The following LAMP2 variants were observed in gnomAD, a reference collection of about 807,000 sequenced individuals.
LAMP2 encodes the protein lysosome-associated membrane glycoprotein 2.
LAMP2 carries 4 observed loss-of-function variants against 25.6 expected under a neutral mutation model. The ratio of observed to expected loss-of-function variants is 0.16; its 90% CI spans 0.08 to 0.36. The LOEUF is 0.36. LAMP2 is among the 10% of genes least tolerant of loss of function. LAMP2 has a pLI of 1.00. For missense variants in LAMP2, 272 were observed against 301.4 expected (o/e 0.90, Z 0.72); for synonymous variants, 108 against 112.7 (o/e 0.96, Z 0.27).
intron 8 of LAMP2, among the ~76,000 whole-genome samples, chrX:120,436,124 G>T (rs1156998898): frequency 1.2e-5 from 1 of 85,898 alleles, no homozygotes; most frequent in Non-Finnish European, 2.2e-5. Flanking sequence ...TTCAGCAGGG[G>T]AGCTTACACA....
At chrX:120,434,821 T>C (rs1236895123) in intron 8 of LAMP2, among the ~76,000 whole-genome samples, 1 of 111,777 alleles carries the variant, frequency 8.9e-6, no homozygotes, top group East Asian at 2.8e-4. Context: ...CAAAAACTAA[T>C]AAAACTTCTC....
Position 120,430,140 on chromosome X carries a change from AT to A in LAMP2, c.*1182del. On this transcript the variant is annotated 3_prime_UTR_variant, in exon 9 of 9. Coordinates refer to ENST00000200639, the MANE Select transcript of LAMP2 (RefSeq NM_002294.3). ...CTGATCATGCCCCTATATACATACA[AT>A]GGGTTAATAATACTTCAATGTGGAA... The A allele has an allele frequency of 4.0e-6, 3 of 751,023 alleles. No homozygotes were observed. The highest frequency in any genetic ancestry group is 4.7e-6 in the Non-Finnish European group (3 of 636,097). 61.9% of individuals were successfully genotyped at this position (751,023 alleles called of 1,213,427 possible). A position where few individuals can be genotyped will look rare whatever the true frequency, so the allele number is the denominator to read the frequency against.
chrX:120,442,472 A>G (rs1238136078), intron 7 of LAMP2, 127 bp downstream of exon 7: 3 of 600,390 alleles, frequency 5.0e-6, no homozygotes, highest in Non-Finnish European at 8.7e-6. Flanking sequence ...GGTATGATCA[A>G]GGTACACTTT....
chrX:120,469,130 G>A lies in LAMP2; in HGVS notation c.40C>T (p.Leu14Phe). 3 of 1,212,161 alleles carry A rather than the reference G, an allele frequency of 2.5e-6. No individual in the cohort carries two copies. Among genetic ancestry groups the A allele is most frequent in the Non-Finnish European group, 3.4e-6 (3 of 895,515 alleles). Reference protein sequence around the residue: ...FRLFPVPGSGLVLVCLVLGAV... With the variant: ...FRLFPVPGSGFVLVCLVLGAV... ...CCCAGGACTAGGCAGACCAGAACGA[G>A]CCCTGAGCCCGGAACCGGGAAGAGG... Residue 14 changes from leucine (L) to phenylalanine (F), a missense_variant, in exon 1 of 9, where the codon CTC (leucine) becomes TTC (phenylalanine). Leu to Phe is a conservative substitution (Grantham distance 22). Transcript: ENST00000200639.
chrX:120,438,388 T>A, intron 8 of LAMP2: 1 of 747,287 alleles, frequency 1.3e-6, no homozygotes, highest in Non-Finnish European at 1.6e-6. Context: ...CTAAAGCACC[T>A]AAAAAATGGA....
chrX:120,441,878 A>G lies in LAMP2; in HGVS notation c.945T>C (p.Asn315=). Reference sequence around the variant, plus strand: ...GGGCATCCCAGTAGCTGAGATTGTTATTTGCAATGCTGAAAACTTCAAAGA... The same window carrying G: ...GGGCATCCCAGTAGCTGAGATTGTTGTTTGCAATGCTGAAAACTTCAAAGA... ...LVNGSVFSIA[N]NNLSYWDAPL... The change falls in exon 8 of 9, where the codon AAT becomes AAC. Residue 315 remains asparagine, a synonymous_variant. Transcript: ENST00000200639. 8.3e-7 allele frequency: 1 copy of G among 1,209,767 alleles called. No individual in the cohort carries two copies. Among genetic ancestry groups the G allele is most frequent in the Non-Finnish European group, 1.1e-6 (1 of 893,781 alleles).
At chrX:120,442,478 AC>A (rs968558800) in intron 7 of LAMP2, 120 bp downstream of exon 7, 1 of 621,908 alleles carries the variant, frequency 1.6e-6, no homozygotes, top group Non-Finnish European at 2.8e-6. Context: ...ATCAAGGTAC[AC>A]TTTTTACATA....
Position 120,468,392 on chromosome X carries a change from T to G in LAMP2, c.64+714A>C, listed in dbSNP as rs1229517004. ...CCCATCAAAGTTCCCCCTGAACCCC[T>G]TAGTCTCCAGAGGTTGGGTCCAAGT... On this transcript the variant is annotated intron_variant, in intron 1 of 8. Transcript: ENST00000200639. Among the ~76,000 whole-genome samples the G allele has an allele frequency of 5.4e-5, 6 of 110,571 alleles. No homozygotes were observed. The East Asian group carries it at 1.7e-3, about 31-fold the overall frequency.
intron 3 of LAMP2, among the ~76,000 whole-genome samples, chrX:120,451,145 C>G (rs2058619572): frequency 9.0e-6 from 1 of 110,912 alleles, no homozygotes; most frequent in East Asian, 2.8e-4. Flanking sequence ...TCTCGAACTT[C>G]TGACCTCAGG....
At chrX:120,465,564 C>A (rs1921502134) in intron 1 of LAMP2, among the ~76,000 whole-genome samples, 2 of 112,058 alleles carry the variant, frequency 1.8e-5, no homozygotes, top group Admixed American at 9.5e-5. Context: ...ATGAAAAAGA[C>A]CAATATATAG....
chrX:120,433,013 C>T (rs2058529184), intron 8 of LAMP2, among the ~76,000 whole-genome samples: 1 of 110,620 alleles, frequency 9.0e-6, no homozygotes, highest in Non-Finnish European at 1.9e-5. Context: ...GAACATTTCT[C>T]AGTAAGGGGA....
At chrX:120,458,422 T>C (rs1186862742) in intron 1 of LAMP2, among the ~76,000 whole-genome samples, 1 of 112,011 alleles carries the variant, frequency 8.9e-6, no homozygotes, top group Non-Finnish European at 1.9e-5. Flanking sequence ...TGACGTTTTA[T>C]GAAACAAAAG....
intron 8 of LAMP2, 117 bp downstream of exon 8, chrX:120,441,613 G>T (rs1027091647): frequency 5.0e-5 from 30 of 604,828 alleles, no homozygotes; most frequent in Middle Eastern, 9.2e-4. Flanking sequence ...GCACAATTTG[G>T]TCAAGGCTAT....
intron 8 of LAMP2, among the ~76,000 whole-genome samples, chrX:120,440,304 G>T (rs2058566370): frequency 9.0e-6 from 1 of 111,703 alleles, no homozygotes; most frequent in African/African-American, 3.3e-5. Flanking sequence ...TCTGGTCAGG[G>T]TTGGCAGCCT....
intron 1 of LAMP2, among the ~76,000 whole-genome samples, chrX:120,461,550 A>G (rs72607693): frequency 2.8e-4 from 30 of 108,276 alleles, no homozygotes; most frequent in Non-Finnish European, 5.5e-4. Flanking sequence ...CCCTTTAGAT[A>G]ACATTTCTGT....
At chrX:120,467,485 G>A (rs1247044586) in intron 1 of LAMP2, among the ~76,000 whole-genome samples, 2 of 111,893 alleles carry the variant, frequency 1.8e-5, no homozygotes, top group East Asian at 5.6e-4. Flanking sequence ...TCATTCTACT[G>A]AAATGTGAAT....
At chrX:120,435,273 C>G (rs914204317) in intron 8 of LAMP2, among the ~76,000 whole-genome samples, 3 of 112,273 alleles carry the variant, frequency 2.7e-5, no homozygotes, top group African/African-American at 9.7e-5. Flanking sequence ...TCACATGCAT[C>G]TGAAAAGATT....
In LAMP2 at chrX:120,430,350, G is replaced by A; in HGVS notation, c.*973C>T. ...ATCTTGAAGAAACAAGAGCCTAGTTGCTATGCTTCACTGCCTCCCTTCTGA... is the reference window on the plus strand; with the variant it reads ...ATCTTGAAGAAACAAGAGCCTAGTTACTATGCTTCACTGCCTCCCTTCTGA... On this transcript the variant is annotated 3_prime_UTR_variant, in exon 9 of 9. Coordinates refer to ENST00000200639, the MANE Select transcript of LAMP2 (RefSeq NM_002294.3). The A allele has an allele frequency of 1.3e-6, 1 of 754,584 alleles. No homozygotes were observed. The highest frequency in any genetic ancestry group is 1.6e-6 in the Non-Finnish European group (1 of 639,349). The allele number at this position is 754,584 out of a possible 1,213,427, so 62.2% of individuals were successfully genotyped here. A position where few individuals can be genotyped will look rare whatever the true frequency, so the allele number is the denominator to read the frequency against.
intron 1 of LAMP2, 68 bp downstream of exon 1, chrX:120,469,038 G>C (rs1394940524): frequency 9.2e-7 from 1 of 1,088,821 alleles, no homozygotes; most frequent in Non-Finnish European, 1.3e-6. Flanking sequence ...CAGTCTTTCA[G>C]GTTGTAGCTT....
Sources: allele counts gnomAD v4.1 joint callset (sites outside exome capture counted in the v4.1 genomes callset), GRCh38; gene constraint gnomAD v4.1.1; transcripts MANE v1.5; gene names NCBI Gene and HGNC (gene_info 2026-07-23, HGNC 2026-07-21).